Variants in OR51B5 observed in about 807,000 individuals in gnomAD.
OR51B5 encodes olfactory receptor 51B5.
For synonymous variants in OR51B5, 186 were observed against 144.8 expected (o/e 1.28, Z -2.04); for missense variants, 456 against 374.6 (o/e 1.22, Z -1.79).
chr11:5,419,847 T>C (rs535488277), intron 1 of OR51B5, among the ~76,000 whole-genome samples: 1 of 152,012 alleles, frequency 6.6e-6, no homozygotes, highest in Non-Finnish European at 1.5e-5. Flanking sequence ...CTAACTGAAA[T>C]TATTTTTATA....
At chr11:5,396,637 T>C (rs1049254038) in intron 1 of OR51B5, among the ~76,000 whole-genome samples, 9 of 152,026 alleles carry the variant, frequency 5.9e-5, no homozygotes, top group Admixed American at 3.3e-4. Context: ...CCCAAGGTAA[T>C]TTATAGATTC....
intron 1 of OR51B5, among the ~76,000 whole-genome samples, chr11:5,369,944 T>C (rs1045879022): frequency 3.3e-5 from 5 of 152,174 alleles, no homozygotes; most frequent in African/African-American, 4.8e-5. Flanking sequence ...CTCAGGATTT[T>C]TACTCAAGGA....
At chr11:5,465,316 T>A (rs1279276489) in intron 1 of OR51B5, among the ~76,000 whole-genome samples, 2 of 151,534 alleles carry the variant, frequency 1.3e-5, no homozygotes, top group African/African-American at 4.8e-5. Flanking sequence ...TGAGATGATA[T>A]CTCATTGTGG....
intron 1 of OR51B5, among the ~76,000 whole-genome samples, chr11:5,494,524 T>C (rs1329656193): frequency 6.6e-6 from 1 of 152,202 alleles, no homozygotes; most frequent in Non-Finnish European, 1.5e-5. Flanking sequence ...TTACGTCGTG[T>C]ATATATTCCT....
chr11:5,395,563 T>C (rs1452541256), intron 1 of OR51B5, among the ~76,000 whole-genome samples: 1 of 152,174 alleles, frequency 6.6e-6, no homozygotes, highest in Non-Finnish European at 1.5e-5. Flanking sequence ...TTGTAGAGAA[T>C]GATACAGGGT....
chr11:5,485,044 A>C (rs953787155), intron 1 of OR51B5, among the ~76,000 whole-genome samples: 1 of 152,178 alleles, frequency 6.6e-6, no homozygotes. Context: ...TCATCTACAT[A>C]ACCTGCAAAG....
intron 1 of OR51B5, chr11:5,453,852 C>G: frequency 6.2e-7 from 1 of 1,614,108 alleles, no homozygotes; most frequent in Non-Finnish European, 8.5e-7. Context: ...GAGTTTTGAC[C>G]GCTATGTGGC....
At chr11:5,480,646 A>G (rs1851403863) in intron 1 of OR51B5, among the ~76,000 whole-genome samples, 1 of 152,024 alleles carries the variant, frequency 6.6e-6, no homozygotes, top group East Asian at 1.9e-4. Flanking sequence ...GAAGAATCAA[A>G]TAGATGCAAT....
intron 1 of OR51B5, among the ~76,000 whole-genome samples, chr11:5,379,886 G>A (rs945275471): frequency 6.6e-6 from 1 of 151,740 alleles, no homozygotes; most frequent in Non-Finnish European, 1.5e-5. Context: ...CTTGCTCTTT[G>A]TCTGCTTTCT....
intron 1 of OR51B5, among the ~76,000 whole-genome samples, chr11:5,470,552 A>G (rs551213631): frequency 6.6e-6 from 1 of 152,270 alleles, no homozygotes; most frequent in Admixed American, 6.5e-5. Flanking sequence ...CACGCAGCCA[A>G]TTTCCAACTG....
chr11:5,499,554 C>T (rs142101673), intron 1 of OR51B5, among the ~76,000 whole-genome samples: 265 of 152,284 alleles, frequency 1.7e-3, no homozygotes, highest in Middle Eastern at 6.8e-3. Flanking sequence ...GGGACCTCAA[C>T]TAGCAGGGTC....
chr11:5,344,379 C>G (rs776599714), upstream of OR51B5, among the ~76,000 whole-genome samples: 1 of 138,502 alleles, frequency 7.2e-6, no homozygotes, highest in Non-Finnish European at 1.6e-5. Flanking sequence ...TGAAGTAATT[C>G]CCTAGAATCT....
At chr11:5,350,392 T>C (rs539316087) in intron 1 of OR51B5, among the ~76,000 whole-genome samples, 143 of 152,316 alleles carry the variant, frequency 9.4e-4, no homozygotes, top group Admixed American at 2.7e-3. Context: ...TACATCAATA[T>C]GCTCTTTCAA....
chr11:5,431,839 T>C lies in OR51B5; in HGVS notation n.84+73730A>G, dbSNP rs767582590. ...TCCTAAATGTTACTTGGAAAAGAGA[T>C]ATTTCAGACTGCTCCATCTTTTTAA... On this transcript the variant is annotated intron_variant and non_coding_transcript_variant, in intron 1 of 4. Coordinates refer to the OR51B5 transcript ENST00000415970. 7.9e-5 allele frequency among the ~76,000 whole-genome samples: 12 copies of C among 152,248 alleles called. 1 individual carries two copies. The highest frequency in any genetic ancestry group is 1.5e-5 in the Non-Finnish European group (1 of 68,044).
intron 1 of OR51B5, among the ~76,000 whole-genome samples, chr11:5,477,458 CTT>C (rs1449654917): frequency 6.6e-6 from 1 of 152,164 alleles, no homozygotes; most frequent in African/African-American, 2.4e-5. Flanking sequence ...AATCTATCCT[CTT>C]TCTGTCTCAG....
chr11:5,403,304 G>C (rs367913956), intron 1 of OR51B5: 207 of 471,658 alleles, frequency 4.4e-4, no homozygotes, highest in South Asian at 3.1e-3. Context: ...GAGAAGGGAG[G>C]AAGAAGGCAC....
At chr11:5,383,068 A>C (rs1284430131) in intron 1 of OR51B5, among the ~76,000 whole-genome samples, 1 of 151,916 alleles carries the variant, frequency 6.6e-6, no homozygotes, top group Non-Finnish European at 1.5e-5. Context: ...TCTGTAGCAT[A>C]GTCTGGGGAA....
At chr11:5,441,325 A>C in intron 1 of OR51B5, 2 of 1,613,966 alleles carry the variant, frequency 1.2e-6, no homozygotes, top group South Asian at 1.1e-5. Context: ...ATAGAGAGGA[A>C]GTAGTACATG....
intron 1 of OR51B5, among the ~76,000 whole-genome samples, chr11:5,359,110 T>C (rs1347791831): frequency 1.3e-5 from 2 of 152,022 alleles, no homozygotes; most frequent in African/African-American, 4.8e-5. Context: ...CTCTCACTAC[T>C]CCTATTCAAC....
Sources: gnomAD v4.1 joint callset for allele counts (sites outside exome capture counted in the v4.1 genomes callset) on GRCh38, gnomAD v4.1.1 for gene constraint, MANE v1.5 for transcripts, NCBI Gene and HGNC (gene_info 2026-07-23, HGNC 2026-07-21) for gene names.